HHLA2: variants seen among roughly 807,000 people sequenced by gnomAD.
HHLA2 encodes HERV-H LTR-associating protein 2.
A neutral mutation model predicts 45.9 loss-of-function variants in HHLA2; 48 were observed. That is an observed-to-expected ratio of 1.05 (90% CI 0.83 to 1.33). The LOEUF is 1.33. HHLA2 is among the 40% of genes most tolerant of loss of function. The probability of loss-of-function intolerance (pLI) is 0.00; values close to 1 mark genes in which losing one functional copy is unlikely to be tolerated. For synonymous variants in HHLA2, 161 were observed against 173.9 expected (o/e 0.93, Z 0.59); for missense variants, 462 against 494.3 (o/e 0.93, Z 0.62).
chr3:108,353,769 T>G, exon 5 of HHLA2: 2 of 1,608,314 alleles, frequency 1.2e-6, no homozygotes, highest in Non-Finnish European at 1.7e-6. Flanking sequence ...AAAGTGGTGC[T>G]AAAGGTGGGA....
At chr3:108,348,188 G>A (rs2081703637) in intron 3 of HHLA2, among the ~76,000 whole-genome samples, 1 of 151,960 alleles carries the variant, frequency 6.6e-6, no homozygotes, top group African/African-American at 2.4e-5. Context: ...GCAAGCAGAA[G>A]AGAACCAGTA....
chr3:108,322,705 T>C (rs2107349590), intron 2 of HHLA2, among the ~76,000 whole-genome samples: 1 of 152,316 alleles, frequency 6.6e-6, no homozygotes, highest in East Asian at 1.9e-4. Flanking sequence ...TGTCCCACTA[T>C]GTTTAGAAAG....
chr3:108,369,099 T>C (rs2082118473), intron 8 of HHLA2, among the ~76,000 whole-genome samples: 1 of 152,158 alleles, frequency 6.6e-6, no homozygotes, highest in South Asian at 2.1e-4. Flanking sequence ...ACAAGGACAC[T>C]GAACAACCTG....
rs1279090539 is a variant in HHLA2, at chr3:108,350,474, T to A, written c.-26-1314T>A. Among the ~76,000 whole-genome samples the A allele has an allele frequency of 3.9e-5, 6 of 152,190 alleles. No homozygotes were observed. In the East Asian group the frequency reaches 1.2e-3, roughly 29 times the overall value. ...TCTACCAGGTTTTATTTTGATAAGA[T>A]GTGATGAAGGAATCTAATTTTACTT... On this transcript the variant is annotated intron_variant, in intron 3 of 10. Coordinates refer to ENST00000619531, the Ensembl canonical transcript of HHLA2.
chr3:108,307,384 T>G (rs968848105), intron 1 of HHLA2, among the ~76,000 whole-genome samples: 1 of 151,930 alleles, frequency 6.6e-6, no homozygotes, highest in Non-Finnish European at 1.5e-5. Context: ...GGCTGTAATC[T>G]CAGTAATTTG....
chr3:108,313,204 A>G (rs894185130), intron 2 of HHLA2, among the ~76,000 whole-genome samples: 14 of 152,152 alleles, frequency 9.2e-5, no homozygotes, highest in African/African-American at 3.4e-4. Flanking sequence ...TTATATAAAG[A>G]CAGTTTTTCT....
At chr3:108,355,542 C>T (rs1189407587) in intron 6 of HHLA2, among the ~76,000 whole-genome samples, 161 bp downstream of exon 5, 3 of 152,172 alleles carry the variant, frequency 2.0e-5, no homozygotes, top group Admixed American at 6.5e-5. Flanking sequence ...GTTCTTCTGG[C>T]TGTATTACAT....
chr3:108,332,389 T>A (rs1044157093), intron 3 of HHLA2, among the ~76,000 whole-genome samples: 4 of 152,220 alleles, frequency 2.6e-5, no homozygotes, highest in African/African-American at 9.6e-5. Context: ...AAATCCAGCA[T>A]TAAAAATCAT....
At chr3:108,317,547 G>A (rs745910937) in intron 2 of HHLA2, among the ~76,000 whole-genome samples, 2 of 151,770 alleles carry the variant, frequency 1.3e-5, no homozygotes, top group Admixed American at 6.6e-5. Context: ...AAGAGGGTGA[G>A]GTAGCCTAGG....
intron 6 of HHLA2, among the ~76,000 whole-genome samples, chr3:108,357,268 G>T (rs1190015865): frequency 6.6e-6 from 1 of 152,228 alleles, no homozygotes; most frequent in Non-Finnish European, 1.5e-5. Context: ...GGAAGGACAA[G>T]ATGGAGCTGG....
chr3:108,363,371 C>T (rs2082011741), intron 8 of HHLA2, among the ~76,000 whole-genome samples: 1 of 152,186 alleles, frequency 6.6e-6, no homozygotes, highest in Admixed American at 6.5e-5. Flanking sequence ...GAAGCCCTCC[C>T]TTATTCCATT....
intron 1 of HHLA2, among the ~76,000 whole-genome samples, chr3:108,302,126 AT>A (rs2080860413): frequency 6.6e-6 from 1 of 152,198 alleles, no homozygotes; most frequent in South Asian, 2.1e-4. Flanking sequence ...CATAGATCTG[AT>A]TTTTATAGTA....
chr3:108,331,982 CA>C (rs1294858840), intron 3 of HHLA2, among the ~76,000 whole-genome samples: 1 of 152,080 alleles, frequency 6.6e-6, no homozygotes, highest in Non-Finnish European at 1.5e-5. Context: ...AATCTTGTGG[CA>C]AGCGAGATCA....
intron 3 of HHLA2, among the ~76,000 whole-genome samples, chr3:108,349,261 A>C (rs1181473684): frequency 6.6e-6 from 1 of 152,184 alleles, no homozygotes; most frequent in African/African-American, 2.4e-5. Context: ...ACTAATAAAG[A>C]AGAAAAGAGA....
chr3:108,369,352 A>G (rs912626798), intron 8 of HHLA2, among the ~76,000 whole-genome samples: 8 of 152,224 alleles, frequency 5.3e-5, no homozygotes, highest in Non-Finnish European at 1.5e-5. Flanking sequence ...ATGGCCGAAT[A>G]GGAACAGCTC....
At chr3:108,306,568 T>A (rs2080933887) in intron 1 of HHLA2, among the ~76,000 whole-genome samples, 1 of 152,186 alleles carries the variant, frequency 6.6e-6, no homozygotes, top group African/African-American at 2.4e-5. Context: ...TATAGGACTC[T>A]TTAAGATTTC....
At chr3:108,307,374 G>A (rs1020506767) in intron 1 of HHLA2, among the ~76,000 whole-genome samples, 10 of 152,006 alleles carry the variant, frequency 6.6e-5, no homozygotes, top group African/African-American at 1.9e-4. Context: ...GGTGGCTCAC[G>A]GCTGTAATCT....
At chr3:108,325,938 G>A in intron 2 of HHLA2, 1 of 382,636 alleles carries the variant, frequency 2.6e-6, no homozygotes, top group Non-Finnish European at 5.0e-6. Flanking sequence ...TCATGATTGT[G>A]GCCATTCACA....
At chr3:108,377,061 T>C (rs1364180022) in intron 10 of HHLA2, 197 bp from the exon 10 acceptor site, 29 of 551,172 alleles carry the variant, frequency 5.3e-5, no homozygotes, top group Non-Finnish European at 8.9e-5. Context: ...AAACAGCTAG[T>C]AGGGAGATTA....
Sources: allele counts gnomAD v4.1 joint callset (sites outside exome capture counted in the v4.1 genomes callset), GRCh38; gene constraint gnomAD v4.1.1; transcripts MANE v1.5; gene names NCBI Gene and HGNC (gene_info 2026-07-23, HGNC 2026-07-21).